SGSM1: variants seen among roughly 807,000 people sequenced by gnomAD.
The protein encoded by SGSM1 is RUN and TBC1 domain containing 2.
Under a neutral mutation model 133.8 loss-of-function variants are expected in SGSM1, and 73 were observed. The observed-to-expected ratio is 0.55, with a 90% CI of 0.45 to 0.66. The LOEUF (loss-of-function observed/expected upper bound fraction) is 0.66, where lower values mean the gene tolerates loss of function less well. Among genes scored for constraint, SGSM1 ranks in the 30% least tolerant of loss-of-function variants. SGSM1 has a pLI of 0.00. For synonymous variants in SGSM1, 563 were observed against 573.0 expected, an observed-to-expected ratio of 0.98 and a Z score of 0.25; for missense variants, 1,213 against 1,448.1, an observed-to-expected ratio of 0.84 and a Z score of 2.64.
chr22:24,905,670 TC>T (rs1933349854), intron 21 of SGSM1, among the ~76,000 whole-genome samples: 2 of 151,122 alleles, frequency 1.3e-5, no homozygotes, highest in African/African-American at 2.4e-5. Context: ...GCACCTGTAG[TC>T]CCAGCTACTC....
chr22:24,885,742 C>G (rs1356851906), intron 15 of SGSM1, among the ~76,000 whole-genome samples: 1 of 152,134 alleles, frequency 6.6e-6, no homozygotes, highest in East Asian at 1.9e-4. Flanking sequence ...TTATGTGGGT[C>G]CCCATAGATG....
chr22:24,882,929 G>T (rs6004345), intron 14 of SGSM1, among the ~76,000 whole-genome samples: 23 of 148,010 alleles, frequency 1.6e-4, no homozygotes, highest in South Asian at 1.3e-3. Context: ...ACAGAGTCTC[G>T]CTCTGTCGCC....
Position 24,847,799 on chromosome 22 carries a change from G to A in SGSM1, c.302+3G>A. The A allele has an allele frequency of 1.9e-6, 3 of 1,613,418 alleles. No homozygotes were observed. Among genetic ancestry groups the A allele is most frequent in the Non-Finnish European group, 1.7e-6 (2 of 1,179,632 alleles). On this transcript the variant is annotated splice_donor_region_variant and intron_variant, in intron 4 of 24. Coordinates refer to ENST00000400358, the MANE Select transcript of SGSM1 (RefSeq NM_001098497.3). ...CTGGAGCAGCTGATCGAGAGCGCGT[G>A]AGTGCAAAGCATGGGGCACAGGTGG...
chr22:24,821,545 G>C (rs1569133564), intron 2 of SGSM1, among the ~76,000 whole-genome samples: 1 of 152,162 alleles, frequency 6.6e-6, no homozygotes, highest in Non-Finnish European at 1.5e-5. Context: ...GGCAGGGAAG[G>C]TTTCTGAGCT....
chr22:24,817,513 T>C (rs8137145), intron 2 of SGSM1, among the ~76,000 whole-genome samples: 43,030 of 151,752 alleles, frequency 0.28, 6,708 homozygotes, highest in East Asian at 0.58. Context: ...CAACCACGCC[T>C]GGCTAATTTT....
chr22:24,886,263 TGGTG>T (rs1932593642), intron 15 of SGSM1, among the ~76,000 whole-genome samples: 1 of 151,494 alleles, frequency 6.6e-6, no homozygotes, highest in African/African-American at 2.4e-5. Context: ...TAGCTGGATG[TGGTG>T]GCAAGCACTG....
At position 24,868,453 on chromosome 22, in the gene SGSM1, C is replaced by T. The variant is rs761212416; in HGVS notation, c.1072C>T (p.His358Tyr). ...GCCCTTCCGCTTCCCCAAGGGCGGGCACCTCCTGCAGTTCCTCTCGTGCCT... is the reference window on the plus strand; with the variant it reads ...GCCCTTCCGCTTCCCCAAGGGCGGGTACCTCCTGCAGTTCCTCTCGTGCCT... ...RPPFRFPKGG[H>Y]LLQFLSCLEN... The change falls in exon 11 of 25, where the codon CAC becomes TAC. Residue 358 changes from histidine (H) to tyrosine (Y), a missense_variant. Physicochemically the swap from His to Tyr is moderately conservative, Grantham distance 83. Transcript: ENST00000400358. The T allele has an allele frequency of 1.2e-5, 19 of 1,613,940 alleles. No individual in the cohort carries two copies. The highest frequency in any genetic ancestry group is 1.6e-5 in the Non-Finnish European group (19 of 1,179,888).
chr22:24,868,317 C>T (rs1459400796), intron 10 of SGSM1, 59 bp from the exon 11 acceptor site: 2 of 1,557,442 alleles, frequency 1.3e-6, no homozygotes, highest in Non-Finnish European at 1.7e-6. Context: ...CAGGAAGGGG[C>T]TGTCACCGTG....
At chr22:24,847,277 T>C (rs934991606) in intron 3 of SGSM1, among the ~76,000 whole-genome samples, 56 of 152,304 alleles carry the variant, frequency 3.7e-4, no homozygotes, top group African/African-American at 1.3e-3. Flanking sequence ...AACTTCTCAA[T>C]ATTTCTCCTT....
intron 4 of SGSM1, among the ~76,000 whole-genome samples, chr22:24,848,092 C>T (rs1930258128): frequency 6.6e-6 from 1 of 151,944 alleles, no homozygotes; most frequent in Admixed American, 6.6e-5. Flanking sequence ...ATTTCCCTCC[C>T]CGTTGTTGTT....
At chr22:24,853,759 C>T (rs1294089899) in intron 5 of SGSM1, among the ~76,000 whole-genome samples, 10 of 148,330 alleles carry the variant, frequency 6.7e-5, no homozygotes, top group East Asian at 2.0e-4. Flanking sequence ...GGCACCACCA[C>T]GCCTGGTGAA....
rs1934189289 is a variant in SGSM1 at position 24,925,964 on chromosome 22, C to T, written c.*1690C>T. On this transcript the variant is annotated 3_prime_UTR_variant, in exon 25 of 25. Transcript: ENST00000400358. Reference sequence around the variant, plus strand: ...CCGCTCTTCTGTTCTGAGAATGCACCCGGAATGGGGGAAACCCAGCAAGCA... The same window carrying T: ...CCGCTCTTCTGTTCTGAGAATGCACTCGGAATGGGGGAAACCCAGCAAGCA... 1 of 152,156 alleles carries T rather than the reference C, an allele frequency of 6.6e-6. No homozygotes were observed. The highest frequency in any genetic ancestry group is 2.4e-5 in the African/African-American group (1 of 41,398). 9.4% of individuals were successfully genotyped at this position (152,156 alleles called of 1,614,324 possible).
In SGSM1 at chr22:24,806,241, T is replaced by TGCA. The variant is rs1927363696; in HGVS notation, c.-76_-74dup. 1.5e-5 allele frequency: 19 copies of TGCA among 1,303,312 alleles called. No homozygotes were observed. In the South Asian group the frequency reaches 4.1e-4, roughly 28 times the overall value. 80.7% of individuals were successfully genotyped at this position (1,303,312 alleles called of 1,614,324 possible). Reference sequence around the variant, plus strand: ...GCGCTCGGCCCCGCCCCGCCGCGGCTGCAGCAGCAGCGCCGCGGCCGGAGG... The same window carrying TGCA: ...GCGCTCGGCCCCGCCCCGCCGCGGCTGCAGCAGCAGCAGCGCCGCGGCCGGAGG... On this transcript the variant is annotated 5_prime_UTR_variant, in exon 1 of 25. Transcript: ENST00000400358.
At chr22:24,904,261 A>C (rs927308797) in intron 20 of SGSM1, among the ~76,000 whole-genome samples, 1 of 152,178 alleles carries the variant, frequency 6.6e-6, no homozygotes, top group East Asian at 1.9e-4. Context: ...GGGATAGTCC[A>C]TGTTTCACAT....
At chr22:24,894,637 TG>T (rs1174517841) in intron 17 of SGSM1, among the ~76,000 whole-genome samples, 2 of 152,174 alleles carry the variant, frequency 1.3e-5, no homozygotes, top group African/African-American at 4.8e-5. Context: ...CGTATTTGCC[TG>T]GGGTGACTCA....
At chr22:24,894,666 T>C (rs1932874684) in intron 17 of SGSM1, among the ~76,000 whole-genome samples, 1 of 152,168 alleles carries the variant, frequency 6.6e-6, no homozygotes, top group Admixed American at 6.5e-5. Context: ...TCCACGTGGC[T>C]CACTGCCCAG....
chr22:24,914,491 A>T (rs893568787), intron 22 of SGSM1, among the ~76,000 whole-genome samples: 9 of 149,262 alleles, frequency 6.0e-5, no homozygotes, highest in African/African-American at 2.2e-4. Context: ...CCAAAAAAAA[A>T]TTAACCATAG....
chr22:24,856,023 A>T, intron 8 of SGSM1: 1 of 431,796 alleles, frequency 2.3e-6, no homozygotes, highest in Non-Finnish European at 4.5e-6. Context: ...CTATCCATCC[A>T]TCCATCCATC....
intron 19 of SGSM1, 76 bp downstream of exon 19, chr22:24,898,635 T>G (rs924483430): frequency 7.1e-7 from 1 of 1,408,666 alleles, no homozygotes; most frequent in South Asian, 1.3e-5. Flanking sequence ...AAGCCTGTTA[T>G]CCAGAATGAC....
Sources: allele counts gnomAD v4.1 joint callset (sites outside exome capture counted in the v4.1 genomes callset), GRCh38; gene constraint gnomAD v4.1.1; transcripts MANE v1.5; gene names NCBI Gene and HGNC (gene_info 2026-07-23, HGNC 2026-07-21).